The following ARAP1 variants were observed in gnomAD, a reference collection of about 807,000 sequenced individuals.
The protein encoded by ARAP1 is ArfGAP with RhoGAP domain, ankyrin repeat and PH domain 1, also known as arf-GAP with Rho-GAP domain, ANK repeat and PH domain-containing protein 1.
ARAP1 carries 76 observed loss-of-function variants against 172.2 expected under a neutral mutation model. The observed-to-expected ratio is 0.44, with a 90% CI of 0.37 to 0.53. ARAP1 has a LOEUF of 0.53. ARAP1 is among the 20% of genes least tolerant of loss of function. ARAP1 has a pLI of 0.00. For missense variants in ARAP1, 1,686 were observed against 1,977.5 expected, an observed-to-expected ratio of 0.85 and a Z score of 2.80; for synonymous variants, 804 against 803.3, an observed-to-expected ratio of 1.00 and a Z score of -0.01.
intron 1 of ARAP1, among the ~76,000 whole-genome samples, chr11:72,739,654 G>T (rs1301900518): frequency 6.6e-6 from 1 of 152,172 alleles, no homozygotes; most frequent in Non-Finnish European, 1.5e-5. Context: ...GCCTCCTAGA[G>T]CCTGGCACCC....
At chr11:72,705,748 G>C (rs1196244021) in intron 13 of ARAP1, 57 bp downstream of exon 13, 3 of 1,585,776 alleles carry the variant, frequency 1.9e-6, no homozygotes, top group Non-Finnish European at 2.6e-6. Context: ...GGGAGACCCA[G>C]ACAGCTGTTG....
intron 1 of ARAP1, among the ~76,000 whole-genome samples, chr11:72,744,932 G>C (rs143712561): frequency 3.6e-4 from 55 of 152,332 alleles, no homozygotes; most frequent in Non-Finnish European, 7.1e-4. Context: ...CCGAGAAAGA[G>C]ACAGAAGGAA....
At position 72,693,290 on chromosome 11, in the gene ARAP1, C is replaced by A. The variant is rs1028987422; in HGVS notation, c.3954+35G>T. The A allele has an allele frequency of 9.3e-6, 15 of 1,606,342 alleles. No homozygotes were observed. The African/African-American group carries it at 2.0e-4, about 21-fold the overall frequency. On this transcript the variant is annotated intron_variant, in intron 29 of 34. Transcript: ENST00000393609. This position sits in a 1 kb window ranked among gnomAD's most constrained non-coding sequence, Gnocchi z 4.6. ...CTGAGCACATTCAGGTGTACAGGTG[C>A]CCACCCTGGGGCAGAACCCAGCGGG...
chr11:72,742,468 G>T (rs1858229329), intron 1 of ARAP1, among the ~76,000 whole-genome samples: 1 of 152,214 alleles, frequency 6.6e-6, no homozygotes, highest in African/African-American at 2.4e-5. Flanking sequence ...GCCAGAATCT[G>T]TATCAAGGGT....
chr11:72,687,579 C>T, intron 32 of ARAP1, 77 bp from the exon 33 acceptor site: 1 of 1,613,078 alleles, frequency 6.2e-7, no homozygotes, highest in South Asian at 1.1e-5. Context: ...CTTCCCAGCC[C>T]AGGGTCTGCT....
Position 72,695,261 on chromosome 11 carries a change from C to T in ARAP1, c.3576+126G>A, listed in dbSNP as rs917884104. On this transcript the variant is annotated intron_variant, in intron 26 of 34. Coordinates refer to ENST00000393609, the MANE Select transcript of ARAP1 (RefSeq NM_001040118.3). The surrounding 1 kb of genome is among the most constrained non-coding windows in gnomAD (Gnocchi z 4.4). Reference sequence around the variant, plus strand: ...GGTCCTTAGGAGCAGACCCCAGCACCAGCCAGATACAGGTCCCAAACTGGT... The same window carrying T: ...GGTCCTTAGGAGCAGACCCCAGCACTAGCCAGATACAGGTCCCAAACTGGT... The T allele has an allele frequency of 8.7e-6, 12 of 1,382,466 alleles. No homozygotes were observed. The highest frequency in any genetic ancestry group is 1.2e-5 in the Non-Finnish European group (12 of 988,070). The allele number at this position is 1,382,466 out of a possible 1,614,324, so 85.6% of individuals were successfully genotyped here.
Position 72,710,245 on chromosome 11 carries a change from G to C in ARAP1, c.1416+140C>G, listed in dbSNP as rs954393005. ...TGGGGGAAGTGGTCAGAACTTGGGGGAGCGAGGACATATCCAGGCAAAGGG... is the reference window on the plus strand; with the variant it reads ...TGGGGGAAGTGGTCAGAACTTGGGGCAGCGAGGACATATCCAGGCAAAGGG... On this transcript the variant is annotated intron_variant, in intron 10 of 34. Transcript: ENST00000393609. This position sits in a 1 kb window ranked among gnomAD's most constrained non-coding sequence, Gnocchi z 4.3. 44 of 1,087,700 alleles carry C rather than the reference G, an allele frequency of 4.0e-5. No individual in the cohort carries two copies. Among genetic ancestry groups the C allele is most frequent in the Admixed American group, 1.6e-4 (8 of 50,502 alleles). The allele number at this position is 1,087,700 out of a possible 1,614,324, so 67.4% of individuals were successfully genotyped here.
chr11:72,710,268 G>T lies in ARAP1; in HGVS notation c.1416+117C>A. Reference sequence around the variant, plus strand: ...GGGAGCGAGGACATATCCAGGCAAAGGGCTGGGCCCAGTGCAGGAAAAGAG... The same window carrying T: ...GGGAGCGAGGACATATCCAGGCAAATGGCTGGGCCCAGTGCAGGAAAAGAG... On this transcript the variant is annotated intron_variant, in intron 10 of 34. Coordinates refer to ENST00000393609, the MANE Select transcript of ARAP1 (RefSeq NM_001040118.3). This position sits in a 1 kb window ranked among gnomAD's most constrained non-coding sequence, Gnocchi z 4.3. 7.6e-7 allele frequency: 1 copy of T among 1,311,490 alleles called. No homozygotes were observed. The highest frequency in any genetic ancestry group is 1.1e-6 in the Non-Finnish European group (1 of 927,244). The allele number at this position is 1,311,490 out of a possible 1,614,324, so 81.2% of individuals were successfully genotyped here.
intron 27 of ARAP1, among the ~76,000 whole-genome samples, chr11:72,694,534 C>T (rs1247231241): frequency 6.6e-6 from 1 of 152,102 alleles, no homozygotes; most frequent in Non-Finnish European, 1.5e-5. Flanking sequence ...TCCTCCACAG[C>T]AGTTAATGCA....
At chr11:72,706,977 C>T (rs910341119) in intron 12 of ARAP1, among the ~76,000 whole-genome samples, 198 bp downstream of exon 12, 2 of 152,344 alleles carry the variant, frequency 1.3e-5, no homozygotes, top group East Asian at 1.9e-4. Flanking sequence ...TGTCCCCACC[C>T]GTGATGGGAG....
intron 18 of ARAP1, among the ~76,000 whole-genome samples, chr11:72,698,626 C>G (rs1017990389): frequency 2.0e-5 from 3 of 152,208 alleles, no homozygotes; most frequent in Non-Finnish European, 2.9e-5. Flanking sequence ...CGAGGCAGAG[C>G]TCTCCCGGTG....
chr11:72,740,205 G>A (rs1858157218), intron 1 of ARAP1, among the ~76,000 whole-genome samples: 2 of 152,114 alleles, frequency 1.3e-5, no homozygotes, highest in African/African-American at 2.4e-5. Flanking sequence ...TGCACAACAC[G>A]CACACCCACA....
intron 15 of ARAP1, among the ~76,000 whole-genome samples, chr11:72,702,097 G>A (rs1591188371): frequency 6.6e-6 from 1 of 152,360 alleles, no homozygotes; most frequent in South Asian, 2.1e-4. Flanking sequence ...GGCATGAGGG[G>A]GGCATTGGGC....
intron 3 of ARAP1, among the ~76,000 whole-genome samples, chr11:72,723,074 G>A (rs879832178): frequency 1.1e-4 from 16 of 152,134 alleles, no homozygotes; most frequent in Admixed American, 3.9e-4. Context: ...TTGGGAGGTC[G>A]AGGCAGGAGC....
At chr11:72,705,745 C>G (rs1856729259) in intron 13 of ARAP1, 60 bp downstream of exon 13, 3 of 1,581,130 alleles carry the variant, frequency 1.9e-6, no homozygotes, top group Non-Finnish European at 2.6e-6. Context: ...GCTGGGAGAC[C>G]CAGACAGCTG....
At position 72,697,209 on chromosome 11, in the gene ARAP1, G is replaced by C; in HGVS notation, c.2954-14C>G. 6.3e-7 allele frequency: 1 copy of C among 1,594,438 alleles called. No individual in the cohort carries two copies. ...CGGAGGTCAGGCCTAGGGAGGGGCG[G>C]GGCCAAGCGTTCGGGGCCTGAGGCA... On this transcript the variant is annotated splice_polypyrimidine_tract_variant and intron_variant, in intron 21 of 34. Coordinates refer to ENST00000393609, the MANE Select transcript of ARAP1 (RefSeq NM_001040118.3).
In ARAP1 at chr11:72,701,880, G is replaced by C. The variant is rs1425341948; in HGVS notation, c.2168-97C>G. 5.4e-6 allele frequency: 8 copies of C among 1,479,040 alleles called. No individual in the cohort carries two copies. The East Asian group carries it at 1.6e-4, about 30-fold the overall frequency. The allele number at this position is 1,479,040 out of a possible 1,614,324, so 91.6% of individuals were successfully genotyped here. On this transcript the variant is annotated intron_variant, in intron 15 of 34. Transcript: ENST00000393609. ...GGCCTGGGCATTCAGGCTCACTTTC[G>C]AATCATCAGCCCCAGCTCCCTAACT...
rs1035312583 is a variant in ARAP1, at chr11:72,703,879, G to T, written c.1992+273C>A. ...TTTTTGGCAGGATTCAGAAGCAACC[G>T]GACGGGGTGCAGGAGACTGAGGAAT... On this transcript the variant is annotated intron_variant, in intron 14 of 34. Coordinates refer to ENST00000393609, the MANE Select transcript of ARAP1 (RefSeq NM_001040118.3). 4 of 483,316 alleles carry T rather than the reference G, an allele frequency of 8.3e-6. No individual in the cohort carries two copies. In the Admixed American group the frequency reaches 1.1e-4, roughly 14 times the overall value. 29.9% of individuals were successfully genotyped at this position (483,316 alleles called of 1,614,324 possible). A position where few individuals can be genotyped will look rare whatever the true frequency, so the allele number is the denominator to read the frequency against.
chr11:72,745,647 G>T (rs1858343797), intron 1 of ARAP1, among the ~76,000 whole-genome samples: 1 of 152,104 alleles, frequency 6.6e-6, no homozygotes, highest in Non-Finnish European at 1.5e-5. Context: ...TGTGCTGCAG[G>T]CTGGGGCTGG....
Sources: gnomAD v4.1 joint callset for allele counts (sites outside exome capture counted in the v4.1 genomes callset) on GRCh38, gnomAD v4.1.1 for gene constraint, Gnocchi (gnomAD v3.1) non-coding constraint, MANE v1.5 for transcripts, NCBI Gene and HGNC (gene_info 2026-07-23, HGNC 2026-07-21) for gene names.